TDRD12: variants seen among roughly 807,000 people sequenced by gnomAD.
TDRD12 encodes putative ATP-dependent RNA helicase TDRD12.
A neutral mutation model predicts 133.5 loss-of-function variants in TDRD12; 158 were observed. That is an observed-to-expected ratio of 1.18 (90% CI 1.04 to 1.35). The LOEUF (loss-of-function observed/expected upper bound fraction) is 1.35, where lower values mean the gene tolerates loss of function less well. TDRD12 is among the 40% of genes most tolerant of loss of function. TDRD12 has a pLI of 0.00. For missense variants in TDRD12, 1,443 were observed against 1,321.3 expected, an observed-to-expected ratio of 1.09 and a Z score of -1.43; for synonymous variants, 460 against 477.9, an observed-to-expected ratio of 0.96 and a Z score of 0.49.
chr19:32,735,483 G>A (rs866351611), intron 2 of TDRD12, among the ~76,000 whole-genome samples: 1 of 152,214 alleles, frequency 6.6e-6, no homozygotes, highest in Non-Finnish European at 1.5e-5. Flanking sequence ...TGGTTCATGA[G>A]GTTTAAGAAA....
chr19:32,725,250 T>C (rs992905448), intron 1 of TDRD12, among the ~76,000 whole-genome samples: 2 of 152,154 alleles, frequency 1.3e-5, no homozygotes, highest in Admixed American at 6.5e-5. Context: ...TTTGTTGCAA[T>C]TGCTTTTGAT....
At chr19:32,781,522 A>G (rs1970765375) in intron 11 of TDRD12, among the ~76,000 whole-genome samples, 1 of 152,172 alleles carries the variant, frequency 6.6e-6, no homozygotes, top group Non-Finnish European at 1.5e-5. Flanking sequence ...AGGGAGACAC[A>G]AAACATAAAT....
intron 8 of TDRD12, among the ~76,000 whole-genome samples, chr19:32,760,257 C>T (rs949820350): frequency 1.3e-5 from 2 of 151,982 alleles, no homozygotes; most frequent in African/African-American, 4.8e-5. Flanking sequence ...TTATGGTGAA[C>T]AATAACAAAA....
chr19:32,815,493 T>C (rs1967147355), exon 26 of TDRD12: 3 of 1,536,522 alleles, frequency 2.0e-6, no homozygotes, highest in Non-Finnish European at 1.7e-6. Context: ...TGTCATTGAT[T>C]ATAATGTTCG....
chr19:32,805,555 T>C (rs953888953), intron 21 of TDRD12, among the ~76,000 whole-genome samples: 12 of 152,030 alleles, frequency 7.9e-5, no homozygotes, highest in Non-Finnish European at 1.5e-5. Context: ...TTGTGGTCCA[T>C]TTTTGGACTC....
At chr19:32,812,686 A>G (rs747951520) in intron 24 of TDRD12, among the ~76,000 whole-genome samples, 3 of 152,246 alleles carry the variant, frequency 2.0e-5, no homozygotes, top group Non-Finnish European at 4.4e-5. Context: ...ATGACTGACC[A>G]AAAGTATTTC....
At chr19:32,791,123 G>C (rs1002891332) in intron 13 of TDRD12, 55 bp downstream of exon 13, 1 of 1,488,584 alleles carries the variant, frequency 6.7e-7, no homozygotes, top group Admixed American at 2.3e-5. Context: ...TTCTAATAGA[G>C]AAGGATTTTG....
exon 4 of TDRD12, chr19:32,742,860 A>G (rs1969475021): frequency 1.3e-6 from 2 of 1,551,810 alleles, no homozygotes; most frequent in Non-Finnish European, 1.7e-6. Context: ...AAAGCCTGTC[A>G]CATTACACAT....
intron 8 of TDRD12, among the ~76,000 whole-genome samples, chr19:32,766,477 G>T (rs1159390808): frequency 6.6e-6 from 1 of 152,092 alleles, no homozygotes; most frequent in Non-Finnish European, 1.5e-5. Context: ...TATTGATATT[G>T]TTGGCTCTTA....
At chr19:32,770,949 T>G (rs1970426631) in intron 8 of TDRD12, among the ~76,000 whole-genome samples, 2 of 152,136 alleles carry the variant, frequency 1.3e-5, no homozygotes. Flanking sequence ...AGTAGGGAGG[T>G]GTCTTTGTTC....
exon 13 of TDRD12, chr19:32,791,020 G>T: frequency 6.5e-7 from 1 of 1,536,248 alleles, no homozygotes; most frequent in Non-Finnish European, 8.7e-7. Flanking sequence ...ACAAGATCAA[G>T]CCCTGCTTAA....
chr19:32,733,209 C>T (rs894890611), intron 2 of TDRD12, among the ~76,000 whole-genome samples: 2 of 152,204 alleles, frequency 1.3e-5, no homozygotes, highest in Non-Finnish European at 2.9e-5. Flanking sequence ...TGGCCCACGC[C>T]TGTAATCCCA....
At chr19:32,786,990 TGGA>T (rs1167058678) in intron 11 of TDRD12, among the ~76,000 whole-genome samples, 2 of 152,234 alleles carry the variant, frequency 1.3e-5, no homozygotes, top group African/African-American at 2.4e-5. Flanking sequence ...TGTGTTCCTT[TGGA>T]GGAGAAGAGA....
chr19:32,743,009 CTG>C (rs1221681854), intron 4 of TDRD12, 109 bp downstream of exon 4: 2 of 1,350,752 alleles, frequency 1.5e-6, no homozygotes, highest in African/African-American at 2.9e-5. Flanking sequence ...CAGGAGGTCT[CTG>C]TTCTTCAGGA....
chr19:32,819,623 C>A (rs1033820746), intron 27 of TDRD12, among the ~76,000 whole-genome samples: 2 of 152,190 alleles, frequency 1.3e-5, no homozygotes, highest in African/African-American at 4.8e-5. Context: ...GCTTAACATA[C>A]CCGTGGTCAC....
At chr19:32,780,084 CTTT>C (rs11395360) in intron 11 of TDRD12, among the ~76,000 whole-genome samples, 3,023 of 127,718 alleles carry the variant, frequency 0.024, 83 homozygotes, top group African/African-American at 0.082. Context: ...TTTTTCTTTT[CTTT>C]TTTTTTTTTT....
rs368891984 is a variant in TDRD12 at position 32,767,599 on chromosome 19, G to T, written c.866-5154G>T. 2.0e-5 allele frequency among the ~76,000 whole-genome samples: 3 copies of T among 152,114 alleles called. No homozygotes were observed. The East Asian group carries it at 5.8e-4, about 29-fold the overall frequency. ...AGTCTGTGCTGTTTCTGTCTTGTTGGCCTTGCCATCCTGAAGGTTTTGCCG... is the reference window on the plus strand; with the variant it reads ...AGTCTGTGCTGTTTCTGTCTTGTTGTCCTTGCCATCCTGAAGGTTTTGCCG... On this transcript the variant is annotated intron_variant, in intron 8 of 27. Transcript: ENST00000444215.
rs1421018276 is a variant in TDRD12, at chr19:32,800,758, G to A, written c.2065G>A (p.Glu689Lys). ...CTTCACCTGCTCTGTAGCTGAAACAGAAATAGTGTGTAAGGTGAGTCCATC... is the reference window on the plus strand; with the variant it reads ...CTTCACCTGCTCTGTAGCTGAAACAAAAATAGTGTGTAAGGTGAGTCCATC... The change falls in exon 18 of 28, where the codon GAA (glutamate) becomes AAA (lysine). Residue 689 changes from glutamate to lysine, a missense_variant. Coordinates refer to ENST00000444215, the Ensembl canonical transcript of TDRD12. 4 of 1,534,262 alleles carry A rather than the reference G, an allele frequency of 2.6e-6. No individual in the cohort carries two copies. In the South Asian group the frequency reaches 3.6e-5, roughly 14 times the overall value.
At chr19:32,791,448 G>A (rs1285042818) in intron 13 of TDRD12, among the ~76,000 whole-genome samples, 1 of 151,974 alleles carries the variant, frequency 6.6e-6, no homozygotes, top group Non-Finnish European at 1.5e-5. Flanking sequence ...GGTTTCATTT[G>A]GAAAATTGAT....
Sources: gnomAD v4.1 joint callset for allele counts (sites outside exome capture counted in the v4.1 genomes callset) on GRCh38, gnomAD v4.1.1 for gene constraint, MANE v1.5 for transcripts, NCBI Gene and HGNC (gene_info 2026-07-23, HGNC 2026-07-21) for gene names.